The following SLC39A11 variants were observed in gnomAD, a reference collection of about 807,000 sequenced individuals.
The protein encoded by SLC39A11 is zinc transporter ZIP11.
Under a neutral mutation model 36.1 loss-of-function variants are expected in SLC39A11, and 33 were observed. The ratio of observed to expected loss-of-function variants is 0.91; its 90% confidence interval spans 0.69 to 1.22. The LOEUF (loss-of-function observed/expected upper bound fraction) is 1.22, where lower values mean the gene tolerates loss of function less well. SLC39A11 is among the 50% of genes most tolerant of loss of function. The pLI is 0.00. For synonymous variants in SLC39A11, 166 were observed against 170.3 expected, an observed-to-expected ratio of 0.97 and a Z score of 0.20; for missense variants, 432 against 430.3, an observed-to-expected ratio of 1.00 and a Z score of -0.03.
At chr17:73,036,936 T>C (rs956348027) in intron 3 of SLC39A11, among the ~76,000 whole-genome samples, 1 of 152,242 alleles carries the variant, frequency 6.6e-6, no homozygotes, top group Non-Finnish European at 1.5e-5. Context: ...ACTGTCTCTA[T>C]AGTTTTGCCT....
intron 5 of SLC39A11, among the ~76,000 whole-genome samples, chr17:72,880,831 G>A (rs74317181): frequency 0.41 from 58,729 of 143,802 alleles, 10,714 homozygotes; most frequent in East Asian, 0.65. Flanking sequence ...ACAGGCGCCC[G>A]CCACCACGCC....
intron 3 of SLC39A11, among the ~76,000 whole-genome samples, chr17:73,046,451 G>T (rs1024866479): frequency 6.6e-6 from 1 of 151,980 alleles, no homozygotes. Context: ...GATGTCCTAC[G>T]AAAAAGCCCC....
intron 5 of SLC39A11, among the ~76,000 whole-genome samples, chr17:72,867,768 A>G (rs563918636): frequency 0.043 from 6,547 of 151,510 alleles, 178 homozygotes; most frequent in African/African-American, 0.077. Flanking sequence ...GCGCACACAC[A>G]CACACACACA....
In SLC39A11 at chr17:72,762,482, G is replaced by A. The variant is rs148998821; in HGVS notation, c.602-25763C>T. ...CTGGGAATTGCCCACCCCTCTCCTG[G>A]AAAATTCATGAATAATCCACCCCTT... On this transcript the variant is annotated intron_variant, in intron 6 of 9. Coordinates refer to ENST00000255559, the MANE Select transcript of SLC39A11 (RefSeq NM_139177.4). 2.1e-3 allele frequency among the ~76,000 whole-genome samples: 316 copies of A among 152,278 alleles called. 1 individual carries two copies. Among genetic ancestry groups the A allele is most frequent in the African/African-American group, 7.4e-3 (308 of 41,560 alleles).
At chr17:72,910,844 G>A (rs35857574) in intron 5 of SLC39A11, among the ~76,000 whole-genome samples, 1 of 147,584 alleles carries the variant, frequency 6.8e-6, no homozygotes, top group Admixed American at 6.8e-5. Flanking sequence ...GGAGAGTCAC[G>A]TGAACCCAGA....
At chr17:72,819,869 T>C (rs12941637) in intron 6 of SLC39A11, among the ~76,000 whole-genome samples, 3,014 of 151,160 alleles carry the variant, frequency 0.02, 132 homozygotes, top group African/African-American at 0.049. Context: ...CCAGAGACAA[T>C]GACTCCCTCT....
chr17:72,887,427 C>T (rs2081492189), intron 5 of SLC39A11, among the ~76,000 whole-genome samples: 1 of 152,208 alleles, frequency 6.6e-6, no homozygotes, highest in East Asian at 1.9e-4. Context: ...CCCGAGGGCT[C>T]TGCCTTCTTC....
At chr17:72,734,807 C>T (rs992157677) in intron 7 of SLC39A11, among the ~76,000 whole-genome samples, 6 of 152,128 alleles carry the variant, frequency 3.9e-5, no homozygotes, top group African/African-American at 9.7e-5. Flanking sequence ...GCAGCGTGTG[C>T]GGTTTCCTGC....
intron 3 of SLC39A11, among the ~76,000 whole-genome samples, chr17:73,057,797 A>C (rs1328525329): frequency 6.6e-6 from 1 of 152,088 alleles, no homozygotes; most frequent in Non-Finnish European, 1.5e-5. Context: ...ATTAGCCGGG[A>C]ACATTGGTAG....
At chr17:72,773,677 A>ACC (rs1555667413) in intron 6 of SLC39A11, among the ~76,000 whole-genome samples, 1 of 148,620 alleles carries the variant, frequency 6.7e-6, no homozygotes, top group African/African-American at 2.6e-5. Context: ...ACACACACAC[A>ACC]CCCAGTATAT....
At chr17:72,757,517 A>T (rs2075399973) in intron 6 of SLC39A11, among the ~76,000 whole-genome samples, 1 of 151,936 alleles carries the variant, frequency 6.6e-6, no homozygotes, top group South Asian at 2.1e-4. Flanking sequence ...TCGAGAGGAC[A>T]GTTTCGGTTG....
chr17:72,987,193 A>G (rs1303889433), intron 4 of SLC39A11, among the ~76,000 whole-genome samples: 1 of 152,144 alleles, frequency 6.6e-6, no homozygotes, highest in Non-Finnish European at 1.5e-5. Flanking sequence ...CCCCTTCACC[A>G]TCTGCCATGA....
intron 7 of SLC39A11, among the ~76,000 whole-genome samples, chr17:72,652,940 C>T (rs1409846011): frequency 1.3e-5 from 2 of 152,058 alleles, no homozygotes; most frequent in South Asian, 2.1e-4. Flanking sequence ...CCTAGGCTGG[C>T]ACATATAGAA....
intron 4 of SLC39A11, among the ~76,000 whole-genome samples, chr17:73,019,608 C>T (rs1017901807): frequency 1.1e-4 from 17 of 152,144 alleles, no homozygotes; most frequent in African/African-American, 3.9e-4. Context: ...GCAAACATAA[C>T]ACAAAGAGAT....
chr17:72,870,907 C>A (rs2080578950), intron 5 of SLC39A11, among the ~76,000 whole-genome samples: 2 of 152,136 alleles, frequency 1.3e-5, no homozygotes, highest in Admixed American at 6.5e-5. Context: ...ATATTTTGGT[C>A]TTCATCTTGA....
chr17:73,020,042 C>T (rs1341758803), intron 4 of SLC39A11, among the ~76,000 whole-genome samples: 1 of 148,908 alleles, frequency 6.7e-6, no homozygotes, highest in African/African-American at 2.4e-5. Context: ...TGAAGAATCA[C>T]ACTCCTTCTC....
intron 6 of SLC39A11, among the ~76,000 whole-genome samples, chr17:72,823,004 G>A (rs543418800): frequency 3.3e-5 from 5 of 151,256 alleles, no homozygotes; most frequent in Admixed American, 6.6e-5. Flanking sequence ...CCAAAGTGCC[G>A]GGATTATAGG....
chr17:72,907,135 C>A (rs1271940784), intron 5 of SLC39A11, among the ~76,000 whole-genome samples: 1 of 152,208 alleles, frequency 6.6e-6, no homozygotes, highest in Non-Finnish European at 1.5e-5. Flanking sequence ...CACAGCGAGT[C>A]CCTCCTGCTC....
intron 4 of SLC39A11, among the ~76,000 whole-genome samples, chr17:72,959,549 G>A (rs918117325): frequency 4.6e-5 from 7 of 151,420 alleles, no homozygotes; most frequent in African/African-American, 9.7e-5. Flanking sequence ...ATGATACAAC[G>A]GACTTTGGGA....
Sources: allele counts gnomAD v4.1 joint callset (sites outside exome capture counted in the v4.1 genomes callset), GRCh38; gene constraint gnomAD v4.1.1; transcripts MANE v1.5; gene names NCBI Gene and HGNC (gene_info 2026-07-23, HGNC 2026-07-21).